The following PCCA variants were observed in gnomAD, a reference collection of about 807,000 sequenced individuals.
The protein encoded by PCCA is propionyl-CoA carboxylase subunit alpha.
A neutral mutation model predicts 101.3 loss-of-function variants in PCCA; 74 were observed. The ratio of observed to expected loss-of-function variants is 0.73; its 90% CI spans 0.61 to 0.89. The LOEUF is 0.89. Ranked by LOEUF, PCCA falls within the 40% of genes least tolerant of loss-of-function variation. The pLI, the probability that PCCA is intolerant of heterozygous loss-of-function variation, is 0.00. For missense variants in PCCA, 891 were observed against 907.0 expected, an observed-to-expected ratio of 0.98 and a Z score of 0.23; for synonymous variants, 294 against 313.6, an observed-to-expected ratio of 0.94 and a Z score of 0.66.
chr13:100,340,539 GT>G (rs1205328455), intron 18 of PCCA, among the ~76,000 whole-genome samples: 1 of 152,132 alleles, frequency 6.6e-6, no homozygotes, highest in Non-Finnish European at 1.5e-5. Context: ...CGAGTAGTTT[GT>G]GTTTATGATT....
chr13:100,433,139 G>A (rs190610344), intron 20 of PCCA, among the ~76,000 whole-genome samples: 419 of 152,260 alleles, frequency 2.8e-3, no homozygotes, highest in African/African-American at 9.3e-3. Flanking sequence ...CCATTCTTTT[G>A]GGCATATGCC....
At chr13:100,241,563 T>C (rs1322739399) in intron 8 of PCCA, among the ~76,000 whole-genome samples, 1 of 152,154 alleles carries the variant, frequency 6.6e-6, no homozygotes, top group Non-Finnish European at 1.5e-5. Flanking sequence ...TTTAATCTCC[T>C]GGGCTCTACT....
At chr13:100,202,886 G>A (rs1364749212) in intron 6 of PCCA, among the ~76,000 whole-genome samples, 1 of 151,738 alleles carries the variant, frequency 6.6e-6, no homozygotes, top group Non-Finnish European at 1.5e-5. Context: ...TGTATCCTGA[G>A]TTCTGTCATC....
At chr13:100,469,802 AC>A (rs2082855038) in intron 21 of PCCA, among the ~76,000 whole-genome samples, 1 of 152,036 alleles carries the variant, frequency 6.6e-6, no homozygotes, top group African/African-American at 2.4e-5. Context: ...ACAAAACAAA[AC>A]AAAACAAAAA....
intron 16 of PCCA, among the ~76,000 whole-genome samples, chr13:100,328,080 G>C (rs1241159899): frequency 6.6e-6 from 1 of 152,044 alleles, no homozygotes; most frequent in African/African-American, 2.4e-5. Context: ...AAATTAGCTG[G>C]GTGGCCGGGT....
intron 7 of PCCA, among the ~76,000 whole-genome samples, chr13:100,217,185 G>A (rs1260169743): frequency 5.3e-5 from 8 of 152,086 alleles, no homozygotes; most frequent in South Asian, 2.1e-4. Flanking sequence ...AGTGGCTTAC[G>A]CCTGTAATCC....
chr13:100,313,441 G>C (rs922801023), intron 16 of PCCA, among the ~76,000 whole-genome samples: 4 of 152,154 alleles, frequency 2.6e-5, no homozygotes, highest in Non-Finnish European at 4.4e-5. Context: ...ATAATTTGGT[G>C]GGCAGGGGGC....
chr13:100,178,419 G>T (rs1220745459), intron 6 of PCCA, among the ~76,000 whole-genome samples: 1 of 152,082 alleles, frequency 6.6e-6, no homozygotes, highest in African/African-American at 2.4e-5. Context: ...ATAACTTCAG[G>T]GTTCATTGCC....
chr13:100,238,273 A>C (rs2060925625), intron 8 of PCCA, among the ~76,000 whole-genome samples: 1 of 152,098 alleles, frequency 6.6e-6, no homozygotes. Flanking sequence ...GTCACCTTTA[A>C]GATAACCAGC....
intron 6 of PCCA, among the ~76,000 whole-genome samples, chr13:100,208,153 C>T (rs1230057349): frequency 2.6e-5 from 4 of 152,118 alleles, no homozygotes; most frequent in Admixed American, 6.5e-5. Context: ...GTCATCATCT[C>T]GCCTCTTAAA....
intron 1 of PCCA, among the ~76,000 whole-genome samples, chr13:100,092,359 T>C (rs188704789): frequency 1.1e-3 from 170 of 151,816 alleles, no homozygotes; most frequent in African/African-American, 4.0e-3. Flanking sequence ...TTAGATAATA[T>C]GATTCTGAAG....
At chr13:100,427,625 C>A (rs2152896859) in intron 20 of PCCA, among the ~76,000 whole-genome samples, 1 of 151,880 alleles carries the variant, frequency 6.6e-6, no homozygotes, top group South Asian at 2.1e-4. Flanking sequence ...AAAGAGAGAT[C>A]CCTTGACTCT....
intron 19 of PCCA, among the ~76,000 whole-genome samples, chr13:100,387,259 A>G (rs2076563100): frequency 6.6e-6 from 1 of 152,214 alleles, no homozygotes; most frequent in Admixed American, 6.5e-5. Context: ...AGGTCAGAGT[A>G]AGGAAGCTGA....
chr13:100,345,434 C>A (rs2072033943), intron 18 of PCCA, among the ~76,000 whole-genome samples: 1 of 152,290 alleles, frequency 6.6e-6, no homozygotes, highest in South Asian at 2.1e-4. Flanking sequence ...TAATCTAGAG[C>A]AAGGCCCTAA....
rs569698116 is a variant in PCCA at position 100,383,674 on chromosome 13, A to T, written c.1746+15100A>T. On this transcript the variant is annotated intron_variant, in intron 19 of 23. Coordinates refer to ENST00000376285, the MANE Select transcript of PCCA (RefSeq NM_000282.4). ...TTTTGTGTACAAGAGAGTTTGTGCTACATTTTGTTTTCTTTATAATGTTTG... is the reference window on the plus strand; with the variant it reads ...TTTTGTGTACAAGAGAGTTTGTGCTTCATTTTGTTTTCTTTATAATGTTTG... Among the ~76,000 whole-genome samples, 165 of 152,152 alleles carry T rather than the reference A, an allele frequency of 1.1e-3. 6 individuals carry two copies. In the South Asian group the frequency reaches 0.031, roughly 29 times the overall value.
At chr13:100,214,322 C>T (rs1208504680) in intron 7 of PCCA, among the ~76,000 whole-genome samples, 1 of 151,886 alleles carries the variant, frequency 6.6e-6, no homozygotes, top group African/African-American at 2.4e-5. Context: ...GACATTTTAA[C>T]AATATTGATT....
chr13:100,522,552 G>A lies in PCCA; in HGVS notation c.2041-5123G>A, dbSNP rs555497653. 5.3e-5 allele frequency among the ~76,000 whole-genome samples: 8 copies of A among 152,256 alleles called. No individual in the cohort carries two copies. The South Asian group carries it at 1.7e-3, about 32-fold the overall frequency. On this transcript the variant is annotated intron_variant, in intron 22 of 23. Transcript: ENST00000376285. ...CGGCTCGATGCTGTGAACGTCCCCT[G>A]GCCTCTATTTCAACGATAACACCTT...
chr13:100,249,310 A>G (rs940506490), intron 8 of PCCA, among the ~76,000 whole-genome samples: 3 of 152,206 alleles, frequency 2.0e-5, no homozygotes, highest in Non-Finnish European at 1.5e-5. Flanking sequence ...ATTTTCTTGC[A>G]TAATGAATAT....
intron 21 of PCCA, among the ~76,000 whole-genome samples, chr13:100,515,028 C>T (rs1344595055): frequency 6.6e-6 from 1 of 152,200 alleles, no homozygotes; most frequent in African/African-American, 2.4e-5. Flanking sequence ...CATCTACTGG[C>T]GCCTGTCCAC....
Sources: allele counts gnomAD v4.1 joint callset (sites outside exome capture counted in the v4.1 genomes callset), GRCh38; gene constraint gnomAD v4.1.1; transcripts MANE v1.5; gene names NCBI Gene and HGNC (gene_info 2026-07-23, HGNC 2026-07-21).